ASTN2: variants seen among roughly 807,000 people sequenced by gnomAD.
The protein encoded by ASTN2 is astrotactin 2.
A neutral mutation model predicts 139.8 loss-of-function variants in ASTN2; 54 were observed. The observed-to-expected ratio is 0.39, with a 90% CI of 0.31 to 0.48. The LOEUF (loss-of-function observed/expected upper bound fraction) is 0.48. ASTN2 is among the 20% of genes least tolerant of loss of function. The probability of loss-of-function intolerance (pLI) is 0.95; values close to 1 mark genes in which losing one functional copy is unlikely to be tolerated. For missense variants in ASTN2, 1,565 were observed against 1,725.1 expected, an observed-to-expected ratio of 0.91 and a Z score of 1.64; for synonymous variants, 756 against 719.5, an observed-to-expected ratio of 1.05 and a Z score of -0.81.
chr9:116,642,132 C>CAAAAAAAAAAAAAAA (rs1252642911), intron 17 of ASTN2, among the ~76,000 whole-genome samples: 2 of 48,930 alleles, frequency 4.1e-5, no homozygotes, highest in African/African-American at 7.6e-5. Flanking sequence ...TCCCAACCCA[C>CAAAAAAAAAAAAAAA]AAAAAAAAAA....
At chr9:117,208,476 G>C (rs1832011518) in intron 3 of ASTN2, among the ~76,000 whole-genome samples, 1 of 151,306 alleles carries the variant, frequency 6.6e-6, no homozygotes, top group Non-Finnish European at 1.5e-5. Flanking sequence ...AGAAAAGAAA[G>C]AATAAATAAT....
intron 13 of ASTN2, among the ~76,000 whole-genome samples, chr9:116,781,316 A>T (rs1830213637): frequency 6.6e-6 from 1 of 152,200 alleles, no homozygotes; most frequent in Non-Finnish European, 1.5e-5. Context: ...CTAAATCAAC[A>T]TTGACAAGGA....
intron 19 of ASTN2, among the ~76,000 whole-genome samples, chr9:116,604,900 G>A (rs1309335902): frequency 1.3e-5 from 2 of 152,142 alleles, no homozygotes; most frequent in African/African-American, 2.4e-5. Context: ...GGAACTGAGA[G>A]TGGATACAGA....
rs144535774 is a variant in ASTN2, at chr9:117,144,323, A to T, written c.1016-2845T>A. Among the ~76,000 whole-genome samples the T allele has an allele frequency of 4.3e-3, 661 of 152,280 alleles. 4 individuals are homozygous for T. Among genetic ancestry groups the T allele is most frequent in the African/African-American group, 0.015 (617 of 41,570 alleles). The stretch of plus-strand genomic sequence containing the variant: ...TACAGGTTAAGCTTCCCTAATCCGA[A>T]AATCTGAAATCCGAAATGTTCCAAA... On this transcript the variant is annotated intron_variant, in intron 3 of 22. Transcript: ENST00000313400.
At chr9:117,255,691 G>A (rs777968052) in intron 2 of ASTN2, among the ~76,000 whole-genome samples, 26 of 152,276 alleles carry the variant, frequency 1.7e-4, no homozygotes, top group South Asian at 6.2e-4. Context: ...AACAAATGCC[G>A]GGAGAACACG....
chr9:117,192,355 C>T (rs1006124763), intron 3 of ASTN2, among the ~76,000 whole-genome samples: 1 of 149,652 alleles, frequency 6.7e-6, no homozygotes, highest in Non-Finnish European at 1.5e-5. Context: ...CTCTGCCATT[C>T]TACAAGTGAC....
At chr9:117,274,745 C>T (rs1238414858) in intron 2 of ASTN2, among the ~76,000 whole-genome samples, 2 of 152,204 alleles carry the variant, frequency 1.3e-5, no homozygotes, top group African/African-American at 4.8e-5. Context: ...ACAGGTTAGA[C>T]AACTATTTCC....
At chr9:116,975,720 C>A (rs1021237814) in intron 9 of ASTN2, among the ~76,000 whole-genome samples, 1 of 152,174 alleles carries the variant, frequency 6.6e-6, no homozygotes, top group Non-Finnish European at 1.5e-5. Flanking sequence ...GACTTTGAAT[C>A]AGTTTGAACT....
At chr9:116,647,732 C>T (rs1277899973) in intron 17 of ASTN2, among the ~76,000 whole-genome samples, 1 of 152,212 alleles carries the variant, frequency 6.6e-6, no homozygotes, top group East Asian at 1.9e-4. Context: ...TATTCACAGG[C>T]TCATTCACCA....
At chr9:116,784,946 A>T (rs1200166274) in intron 13 of ASTN2, among the ~76,000 whole-genome samples, 20 of 152,090 alleles carry the variant, frequency 1.3e-4, no homozygotes, top group African/African-American at 1.9e-4. Flanking sequence ...AAAAAAAAAA[A>T]AAAATAAGAG....
intron 4 of ASTN2, among the ~76,000 whole-genome samples, chr9:117,099,750 C>A (rs1002320612): frequency 6.6e-6 from 1 of 152,218 alleles, no homozygotes; most frequent in Non-Finnish European, 1.5e-5. Context: ...CAGACAGTGG[C>A]GGGTAAATCT....
intron 10 of ASTN2, among the ~76,000 whole-genome samples, chr9:116,914,547 TTTA>T (rs144153990): frequency 0.03 from 4,450 of 146,864 alleles, 219 homozygotes; most frequent in African/African-American, 0.1. Context: ...TGTAAAGTGT[TTTA>T]TTATTATTAT....
intron 10 of ASTN2, among the ~76,000 whole-genome samples, chr9:116,945,059 A>G (rs1156874959): frequency 1.3e-5 from 2 of 152,170 alleles, no homozygotes; most frequent in Non-Finnish European, 2.9e-5. Context: ...GCGGTGGTTT[A>G]TATCTCAAAA....
chr9:117,058,644 T>A (rs112990925), intron 5 of ASTN2, among the ~76,000 whole-genome samples: 16 of 152,360 alleles, frequency 1.1e-4, no homozygotes, highest in Non-Finnish European at 1.9e-4. Context: ...TGCATCTTTC[T>A]GAGCATTGGA....
chr9:117,248,611 G>T (rs116738555), intron 2 of ASTN2, among the ~76,000 whole-genome samples: 52 of 152,308 alleles, frequency 3.4e-4, no homozygotes, highest in African/African-American at 1.2e-3. Context: ...GGCTGGAACC[G>T]CAATACTGTT....
intron 10 of ASTN2, among the ~76,000 whole-genome samples, chr9:116,935,506 T>C (rs1242735461): frequency 6.6e-6 from 1 of 152,218 alleles, no homozygotes; most frequent in Admixed American, 6.5e-5. Context: ...CAGAAGCATG[T>C]TCCTCTGCAA....
At chr9:116,793,227 T>C (rs1267688945) in intron 13 of ASTN2, among the ~76,000 whole-genome samples, 1 of 152,198 alleles carries the variant, frequency 6.6e-6, no homozygotes, top group African/African-American at 2.4e-5. Context: ...CAGACATATA[T>C]ACATAAAATT....
At chr9:116,600,435 T>C (rs1854831778) in intron 19 of ASTN2, among the ~76,000 whole-genome samples, 2 of 152,074 alleles carry the variant, frequency 1.3e-5, no homozygotes. Context: ...CTGGCTGTCA[T>C]TACACTGGCA....
At chr9:117,256,993 A>G (rs10983586) in intron 2 of ASTN2, among the ~76,000 whole-genome samples, 17,854 of 152,156 alleles carry the variant, frequency 0.12, 1,511 homozygotes, top group African/African-American at 0.23. Context: ...AGACAGAAGA[A>G]GACTTGGAAT....
Sources: allele counts gnomAD v4.1 joint callset (sites outside exome capture counted in the v4.1 genomes callset), GRCh38; gene constraint gnomAD v4.1.1; transcripts MANE v1.5; gene names NCBI Gene and HGNC (gene_info 2026-07-23, HGNC 2026-07-21).